The following EPHA3 variants were observed in gnomAD, a reference collection of about 807,000 sequenced individuals.
EPHA3 encodes the protein ephrin type-A receptor 3.
A neutral mutation model predicts 107.1 loss-of-function variants in EPHA3; 42 were observed. The ratio of observed to expected loss-of-function variants is 0.39; its 90% CI spans 0.31 to 0.51. EPHA3 has a LOEUF of 0.51. EPHA3 is among the 20% of genes least tolerant of loss of function. The pLI is 0.78. For missense variants in EPHA3, 1,183 were observed against 1,211.2 expected (o/e 0.98, Z 0.35); for synonymous variants, 461 against 424.8 (o/e 1.09, Z -1.05).
At chr3:89,457,915 A>C (rs1250943423) in intron 15 of EPHA3, among the ~76,000 whole-genome samples, 1 of 152,218 alleles carries the variant, frequency 6.6e-6, no homozygotes, top group Non-Finnish European at 1.5e-5. Context: ...ATAGTGACTG[A>C]GATGTGCAGA....
chr3:89,137,708 T>TAA (rs1704345505), intron 2 of EPHA3, among the ~76,000 whole-genome samples: 1 of 152,014 alleles, frequency 6.6e-6, no homozygotes, highest in South Asian at 2.1e-4. Context: ...TGGGAGTTGC[T>TAA]AAAATCATTC....
intron 3 of EPHA3, among the ~76,000 whole-genome samples, chr3:89,289,061 C>T (rs1296881220): frequency 2.6e-5 from 4 of 152,054 alleles, no homozygotes; most frequent in Admixed American, 6.6e-5. Context: ...TCCAGGTAGT[C>T]GTCAGAAGAA....
Position 89,107,643 on chromosome 3 carries a change from T to C in EPHA3, c.-106T>C. The C allele has an allele frequency of 9.5e-7, 1 of 1,055,400 alleles. No individual in the cohort carries two copies. Among genetic ancestry groups the C allele is most frequent in the South Asian group, 1.4e-5 (1 of 72,042 alleles). 65.4% of individuals were successfully genotyped at this position (1,055,400 alleles called of 1,614,324 possible). A position where few individuals can be genotyped will look rare whatever the true frequency, so the allele number is the denominator to read the frequency against. ...TCCAGTGTCAAACTTGACATCAGCC[T>C]GCGAGCGGAGCATGGTAACTTCTCC... On this transcript the variant is annotated 5_prime_UTR_variant, in exon 1 of 17. Coordinates refer to ENST00000336596, the MANE Select transcript of EPHA3 (RefSeq NM_005233.6).
intron 3 of EPHA3, among the ~76,000 whole-genome samples, chr3:89,340,418 A>G (rs1240998011): frequency 6.6e-6 from 1 of 152,268 alleles, no homozygotes. Flanking sequence ...TTATTTATCA[A>G]GAATCTTAAA....
At chr3:89,111,048 TTAAA>T (rs1270342140) in intron 1 of EPHA3, among the ~76,000 whole-genome samples, 1 of 152,004 alleles carries the variant, frequency 6.6e-6, no homozygotes, top group Non-Finnish European at 1.5e-5. Flanking sequence ...CTGAATAAAA[TTAAA>T]TATTCATATT....
intron 3 of EPHA3, among the ~76,000 whole-genome samples, chr3:89,297,700 C>G (rs1453203754): frequency 6.6e-6 from 1 of 151,980 alleles, no homozygotes; most frequent in Non-Finnish European, 1.5e-5. Flanking sequence ...CTTTGGTTTG[C>G]AAAAAACTCA....
chr3:89,291,206 T>C (rs902049139), intron 3 of EPHA3, among the ~76,000 whole-genome samples: 4 of 152,150 alleles, frequency 2.6e-5, no homozygotes, highest in African/African-American at 4.8e-5. Flanking sequence ...ATATATATTA[T>C]GGGGTTGGTC....
intron 3 of EPHA3, among the ~76,000 whole-genome samples, chr3:89,253,424 A>G (rs186776558): frequency 6.6e-6 from 1 of 152,286 alleles, no homozygotes; most frequent in Admixed American, 6.5e-5. Context: ...CAATAAAAGA[A>G]CAAAAGTTCT....
chr3:89,243,389 T>C (rs1704955241), intron 3 of EPHA3, among the ~76,000 whole-genome samples: 1 of 152,180 alleles, frequency 6.6e-6, no homozygotes, highest in African/African-American at 2.4e-5. Flanking sequence ...AAAGTGTTCC[T>C]ATTTCTCCAC....
intron 2 of EPHA3, among the ~76,000 whole-genome samples, chr3:89,168,836 A>G (rs1039814070): frequency 1.3e-5 from 2 of 152,128 alleles, no homozygotes; most frequent in Non-Finnish European, 2.9e-5. Flanking sequence ...AAATATGCAA[A>G]TGTATTGAAA....
intron 5 of EPHA3, among the ~76,000 whole-genome samples, chr3:89,380,141 C>G (rs1708472344): frequency 1.3e-5 from 2 of 151,910 alleles, no homozygotes; most frequent in Non-Finnish European, 2.9e-5. Context: ...TGTTGTCCAC[C>G]ATATTAAAAA....
intron 3 of EPHA3, among the ~76,000 whole-genome samples, chr3:89,233,267 T>C (rs1704679819): frequency 6.6e-6 from 1 of 152,162 alleles, no homozygotes; most frequent in South Asian, 2.1e-4. Context: ...GCCTTGTTCA[T>C]GGGTAACTAT....
intron 13 of EPHA3, among the ~76,000 whole-genome samples, chr3:89,437,911 C>T (rs944836032): frequency 5.9e-5 from 9 of 151,998 alleles, no homozygotes; most frequent in Non-Finnish European, 1.2e-4. Context: ...TGGCTATATT[C>T]TCCATTATTC....
chr3:89,372,078 C>G lies in EPHA3; in HGVS notation c.1307-23759C>G, dbSNP rs1708317219. ...AAAATGTCACCACAAGTTTAAGTTT[C>G]TGCATAACTGATCATCAATCTGGTC... On this transcript the variant is annotated intron_variant, in intron 5 of 16. Coordinates refer to ENST00000336596, the MANE Select transcript of EPHA3 (RefSeq NM_005233.6). Among the ~76,000 whole-genome samples, 3 of 151,548 alleles carry G rather than the reference C, an allele frequency of 2.0e-5. No homozygotes were observed. The South Asian group carries it at 6.2e-4, about 31-fold the overall frequency.
chr3:89,152,551 T>C (rs1704711595), intron 2 of EPHA3, among the ~76,000 whole-genome samples: 1 of 152,074 alleles, frequency 6.6e-6, no homozygotes, highest in Non-Finnish European at 1.5e-5. Context: ...CATACTATTA[T>C]ATATTTTTTA....
chr3:89,216,746 G>A (rs1461102852), intron 3 of EPHA3, among the ~76,000 whole-genome samples: 1 of 152,014 alleles, frequency 6.6e-6, no homozygotes, highest in Non-Finnish European at 1.5e-5. Flanking sequence ...TAACTATTCA[G>A]ATACTATAAA....
At chr3:89,450,447 C>G (rs1709963855) in intron 15 of EPHA3, 77 bp downstream of exon 15, 2 of 1,419,194 alleles carry the variant, frequency 1.4e-6, no homozygotes, top group Non-Finnish European at 1.9e-6. Flanking sequence ...ATTTTTTTAG[C>G]CCACCCCCAA....
At chr3:89,251,099 G>C (rs1705153441) in intron 3 of EPHA3, among the ~76,000 whole-genome samples, 1 of 152,160 alleles carries the variant, frequency 6.6e-6, no homozygotes, top group African/African-American at 2.4e-5. Flanking sequence ...AATGTATAAT[G>C]ATTTTGCCCT....
intron 2 of EPHA3, among the ~76,000 whole-genome samples, chr3:89,186,969 C>G (rs1354048722): frequency 6.6e-6 from 1 of 151,934 alleles, no homozygotes; most frequent in Non-Finnish European, 1.5e-5. Context: ...AAAATGATGA[C>G]TGCTTTTATG....
Sources: gnomAD v4.1 joint callset for allele counts (sites outside exome capture counted in the v4.1 genomes callset) on GRCh38, gnomAD v4.1.1 for gene constraint, MANE v1.5 for transcripts, NCBI Gene and HGNC (gene_info 2026-07-23, HGNC 2026-07-21) for gene names.